The following MACROD2 variants were observed in gnomAD, a reference collection of about 807,000 sequenced individuals.
The protein encoded by MACROD2 is ADP-ribose glycohydrolase MACROD2.
In MACROD2, 36 loss-of-function variants were observed where a neutral mutation model predicts 70.4. That is an observed-to-expected ratio of 0.51 (90% CI 0.39 to 0.68). The LOEUF (loss-of-function observed/expected upper bound fraction) is 0.68. Ranked by LOEUF, MACROD2 falls within the 30% of genes least tolerant of loss-of-function variation. The probability of loss-of-function intolerance (pLI) is 0.00; values close to 1 mark genes in which losing one functional copy is unlikely to be tolerated. For synonymous variants in MACROD2, 172 were observed against 178.8 expected (o/e 0.96, Z 0.30); for missense variants, 496 against 538.4 (o/e 0.92, Z 0.78).
chr20:14,978,050 G>T (rs2074758377), intron 5 of MACROD2, among the ~76,000 whole-genome samples: 1 of 152,144 alleles, frequency 6.6e-6, no homozygotes, highest in African/African-American at 2.4e-5. Flanking sequence ...ATGATATGGA[G>T]CTGTAATCCA....
At chr20:15,267,852 A>C (rs1165056539) in intron 6 of MACROD2, among the ~76,000 whole-genome samples, 2 of 152,138 alleles carry the variant, frequency 1.3e-5, no homozygotes, top group Admixed American at 1.3e-4. Context: ...CCTGGGATTC[A>C]ATCAGTGAGA....
intron 5 of MACROD2, among the ~76,000 whole-genome samples, chr20:15,059,894 C>T (rs1196570942): frequency 6.6e-6 from 1 of 152,112 alleles, no homozygotes; most frequent in East Asian, 1.9e-4. Context: ...TAAAGATTCC[C>T]TAAAGCTTGC....
At chr20:15,939,157 A>T (rs894393017) in intron 12 of MACROD2, among the ~76,000 whole-genome samples, 2 of 152,244 alleles carry the variant, frequency 1.3e-5, no homozygotes, top group Non-Finnish European at 2.9e-5. Flanking sequence ...CAAGTTATCA[A>T]GAAGATCTAG....
At chr20:14,863,887 C>T (rs1307243329) in intron 5 of MACROD2, among the ~76,000 whole-genome samples, 1 of 152,122 alleles carries the variant, frequency 6.6e-6, no homozygotes, top group Non-Finnish European at 1.5e-5. Flanking sequence ...AAACTCTAAA[C>T]TCACTTCTCC....
chr20:15,934,082 C>T (rs1438183729), intron 11 of MACROD2, among the ~76,000 whole-genome samples: 1 of 152,152 alleles, frequency 6.6e-6, no homozygotes, highest in Non-Finnish European at 1.5e-5. Flanking sequence ...ATCATTCACT[C>T]ACCAACATAA....
chr20:15,777,560 TC>T (rs1452711889), intron 8 of MACROD2, among the ~76,000 whole-genome samples: 51 of 104,804 alleles, frequency 4.9e-4, no homozygotes, highest in African/African-American at 1.6e-3. Flanking sequence ...CTTCCTTCCT[TC>T]CTTCCTTCCT....
chr20:14,402,219 T>C (rs74179739), intron 3 of MACROD2, among the ~76,000 whole-genome samples: 23,398 of 152,124 alleles, frequency 0.15, 2,492 homozygotes, highest in Non-Finnish European at 0.23. Context: ...AGCAGTGGCT[T>C]TTTTGTGTTA....
At chr20:15,397,536 G>C (rs1323256702) in intron 6 of MACROD2, among the ~76,000 whole-genome samples, 2 of 152,174 alleles carry the variant, frequency 1.3e-5, no homozygotes, top group African/African-American at 4.8e-5. Context: ...CTGGACTCAA[G>C]TGATCTGCCT....
intron 2 of MACROD2, among the ~76,000 whole-genome samples, chr20:14,016,075 C>CATTCCAACCGCCAGTGCT (rs1327318711): frequency 2.0e-5 from 3 of 152,324 alleles, no homozygotes; most frequent in African/African-American, 7.2e-5. Flanking sequence ...TAGTATTTTA[C>CATTCCAACCGCCAGTGCT]ATTCCAACCG....
chr20:15,732,902 C>T (rs2050966128), intron 8 of MACROD2, among the ~76,000 whole-genome samples: 1 of 152,108 alleles, frequency 6.6e-6, no homozygotes, highest in Non-Finnish European at 1.5e-5. Context: ...GTAGAATTCA[C>T]TAGCAAACCC....
chr20:14,879,334 A>G (rs767922997), intron 5 of MACROD2, among the ~76,000 whole-genome samples: 8 of 152,170 alleles, frequency 5.3e-5, no homozygotes, highest in Non-Finnish European at 1.2e-4. Context: ...AATATTAAAA[A>G]AGTATTCTTC....
chr20:15,868,804 G>A (rs897105362), intron 9 of MACROD2, among the ~76,000 whole-genome samples: 9 of 152,022 alleles, frequency 5.9e-5, no homozygotes, highest in South Asian at 2.1e-4. Context: ...AGTCAGGGTC[G>A]TACTCTGTCA....
At chr20:15,168,145 C>CA (rs1471031488) in intron 5 of MACROD2, among the ~76,000 whole-genome samples, 1 of 152,088 alleles carries the variant, frequency 6.6e-6, no homozygotes, top group Non-Finnish European at 1.5e-5. Context: ...GCTCCTTGCT[C>CA]AAAGCCTGGA....
chr20:15,013,890 A>G (rs2075102220), intron 5 of MACROD2, among the ~76,000 whole-genome samples: 1 of 152,250 alleles, frequency 6.6e-6, no homozygotes, highest in Non-Finnish European at 1.5e-5. Context: ...GAAGGATGGC[A>G]GTAAACTGAA....
At chr20:15,581,014 T>A (rs2048516347) in intron 8 of MACROD2, among the ~76,000 whole-genome samples, 1 of 152,154 alleles carries the variant, frequency 6.6e-6, no homozygotes, top group Admixed American at 6.5e-5. Context: ...GTTCAGTCAA[T>A]ACAAACTCAG....
chr20:14,086,268 T>A (rs2054075606), intron 3 of MACROD2: 1 of 308,952 alleles, frequency 3.2e-6, no homozygotes, highest in African/African-American at 2.2e-5. Flanking sequence ...ATTAGTTGTC[T>A]AGTTAATTTT....
chr20:14,862,382 T>A (rs866185558), intron 5 of MACROD2, among the ~76,000 whole-genome samples: 1 of 16,610 alleles, frequency 6.0e-5, no homozygotes, highest in African/African-American at 3.9e-4. Context: ...AATATATATA[T>A]AAATATATAT....
At chr20:15,833,093 A>C (rs2064074953) in intron 8 of MACROD2, among the ~76,000 whole-genome samples, 1 of 152,238 alleles carries the variant, frequency 6.6e-6, no homozygotes, top group African/African-American at 2.4e-5. Context: ...GGAGCCATTA[A>C]CATGGCATTC....
At chr20:14,001,477 T>G (rs903428622) in intron 1 of MACROD2, among the ~76,000 whole-genome samples, 11 of 149,662 alleles carry the variant, frequency 7.3e-5, no homozygotes, top group Non-Finnish European at 1.6e-4. Flanking sequence ...TGGTTGCCTT[T>G]TTTTGTGCTC....
Sources: allele counts gnomAD v4.1 joint callset (sites outside exome capture counted in the v4.1 genomes callset), GRCh38; gene constraint gnomAD v4.1.1; transcripts MANE v1.5; gene names NCBI Gene and HGNC (gene_info 2026-07-23, HGNC 2026-07-21).